Variants in ITGB3 observed in about 807,000 individuals in gnomAD.
ITGB3 encodes the protein integrin subunit beta 3, also known as integrin beta-3.
In ITGB3, 48 loss-of-function variants were observed where a neutral mutation model predicts 85.8. The observed-to-expected ratio is 0.56, with a 90% confidence interval of 0.44 to 0.71. ITGB3 has a LOEUF of 0.71. Among genes scored for constraint, ITGB3 ranks in the 30% least tolerant of loss-of-function variants. The probability of loss-of-function intolerance (pLI) is 0.00; values close to 1 mark genes in which losing one functional copy is unlikely to be tolerated. For synonymous variants in ITGB3, 363 were observed against 395.6 expected (o/e 0.92, Z 0.98); for missense variants, 861 against 1,019.1 (o/e 0.84, Z 2.11).
rs200038305 is a variant in ITGB3 at position 47,308,160 on chromosome 17, A to AAATAATAATAATAATAATAATAATAAT, written c.2301+526_2301+552dup. 1.8e-3 allele frequency among the ~76,000 whole-genome samples: 247 copies of AAATAATAATAATAATAATAATAATAAT among 138,546 alleles called. 2 individuals carry two copies. The highest frequency in any genetic ancestry group is 2.4e-3 in the Admixed American group (33 of 13,890). The allele number at this position is 138,546 out of a possible 152,430, so 90.9% of individuals were successfully genotyped here. ...GTGACAGAGCAGGACTCGGTCTCAA[A>AAATAATAATAATAATAATAATAATAAT]AATAATAATAATAATAATAATAATA... On this transcript the variant is annotated intron_variant, in intron 14 of 14. Transcript: ENST00000559488.
chr17:47,273,827 C>T (rs1225596439), intron 1 of ITGB3, among the ~76,000 whole-genome samples: 3 of 152,220 alleles, frequency 2.0e-5, no homozygotes, highest in East Asian at 1.9e-4. Flanking sequence ...TGCACTTCCT[C>T]CTAGAGCATT....
At position 47,272,681 on chromosome 17, in the gene ITGB3, T is replaced by TTTC. The variant is rs1567761362; in HGVS notation, c.80-1736_80-1735insCTT. The stretch of plus-strand genomic sequence containing the variant: ...TTATGTAATCTTTCTTTCTTTCTTT[T>TTTC]TTTTTCTTTCTTTCTTTCCTTCTTT... On this transcript the variant is annotated intron_variant, in intron 1 of 14. Transcript: ENST00000559488. Among the ~76,000 whole-genome samples the TTTC allele has an allele frequency of 6.9e-3, 644 of 93,490 alleles. 8 individuals are homozygous for TTTC. The highest frequency in any genetic ancestry group is 0.023 in the African/African-American group (568 of 24,184). 61.3% of individuals were successfully genotyped at this position (93,490 alleles called of 152,430 possible).
chr17:47,267,560 G>A (rs957621843), intron 1 of ITGB3, among the ~76,000 whole-genome samples: 2 of 152,118 alleles, frequency 1.3e-5, no homozygotes, highest in Non-Finnish European at 2.9e-5. Context: ...GGGTATCATG[G>A]GGGGTTCATT....
chr17:47,279,193 G>A (rs979549746), intron 2 of ITGB3, among the ~76,000 whole-genome samples: 4 of 152,152 alleles, frequency 2.6e-5, no homozygotes, highest in Non-Finnish European at 5.9e-5. Flanking sequence ...CTCGCAGGGC[G>A]CTGGCTGGAA....
intron 13 of ITGB3, chr17:47,305,543 G>GCT (rs1196203021): frequency 6.6e-6 from 1 of 152,232 alleles, no homozygotes; most frequent in Non-Finnish European, 1.5e-5. Flanking sequence ...GGGAAGCAGA[G>GCT]CTCTGCAGAG....
At chr17:47,268,860 C>T (rs978348854) in intron 1 of ITGB3, among the ~76,000 whole-genome samples, 6 of 152,246 alleles carry the variant, frequency 3.9e-5, no homozygotes, top group Non-Finnish European at 7.3e-5. Context: ...TTCCCTTGTG[C>T]ACTCCCCTAG....
In ITGB3 at chr17:47,274,520, C is replaced by A. The variant is rs1013159150; in HGVS notation, c.165+16C>A. The stretch of plus-strand genomic sequence containing the variant: ...CTCTGATGAGGTAAGGAGCAGATAC[C>A]AGACCTTGTTTCTTCTCCAGACTAA... On this transcript the variant is annotated intron_variant, in intron 2 of 14. Transcript: ENST00000559488. 6.2e-7 allele frequency: 1 copy of A among 1,609,372 alleles called. No homozygotes were observed.
At chr17:47,290,163 A>G (rs752817339) in intron 7 of ITGB3, 22 bp from the exon 8 acceptor site, 6 of 1,591,856 alleles carry the variant, frequency 3.8e-6, no homozygotes, top group Admixed American at 3.3e-5. Flanking sequence ...TAAGCTCTGG[A>G]CATCTTTGTT....
rs560812344 is a variant in ITGB3 at position 47,292,449 on chromosome 17, G to A, written c.1571G>A (p.Arg524Gln). The A allele has an allele frequency of 4.4e-5, 71 of 1,609,250 alleles. 1 individual carries two copies. In the South Asian group the frequency reaches 6.7e-4, roughly 15 times the overall value. The change falls in exon 10 of 15, where the codon CGG becomes CAG. Residue 524 changes from arginine to glutamine, a missense_variant. Arg to Gln is a conservative substitution (Grantham distance 43). Transcript: ENST00000559488. The stretch of plus-strand genomic sequence containing the variant: ...GAGGGTCAGCCCGTCTGCAGCCAGC[G>A]GGGCGAGTGCCTCTGTGGTCAATGT... Reference protein sequence around the residue: ...PREGQPVCSQRGECLCGQCVC... With the variant: ...PREGQPVCSQQGECLCGQCVC...
rs1231109822 is a variant in ITGB3, at chr17:47,290,985, G to A, written c.1157G>A (p.Arg386His). The A allele has an allele frequency of 3.7e-6, 6 of 1,613,896 alleles. No homozygotes were observed. Among genetic ancestry groups the A allele is most frequent in the Non-Finnish European group, 5.1e-6 (6 of 1,179,952 alleles). Residue 386 changes from arginine to histidine, a missense_variant, in exon 9 of 15, where the codon CGT becomes CAT. Arg to His is a conservative substitution (Grantham distance 29, BLOSUM62 0). Coordinates refer to ENST00000559488, the MANE Select transcript of ITGB3 (RefSeq NM_000212.3). ...CGTTCTAAAGTAGAGCTGGAAGTGCGTGACCTCCCTGAAGAGTTGTCTCTA... is the reference window on the plus strand; with the variant it reads ...CGTTCTAAAGTAGAGCTGGAAGTGCATGACCTCCCTGAAGAGTTGTCTCTA... ...KIRSKVELEV[R>H]DLPEELSLSF...
Position 47,299,948 on chromosome 17 carries a change from T to C in ITGB3, c.1913+418T>C, listed in dbSNP as rs1012233387. On this transcript the variant is annotated intron_variant, in intron 11 of 14. Transcript: ENST00000559488. The surrounding 1 kb of genome is among the most constrained non-coding windows in gnomAD (Gnocchi z 5.1). ...AGGAAGCCCCATCAGCCTGAGTCCATGGCACTGCCATTCTGCTTACCACTT... is the reference window on the plus strand; with the variant it reads ...AGGAAGCCCCATCAGCCTGAGTCCACGGCACTGCCATTCTGCTTACCACTT... Among the ~76,000 whole-genome samples, 12 of 152,296 alleles carry C rather than the reference T, an allele frequency of 7.9e-5. No individual in the cohort carries two copies. The highest frequency in any genetic ancestry group is 2.9e-4 in the African/African-American group (12 of 41,566).
intron 1 of ITGB3, among the ~76,000 whole-genome samples, chr17:47,274,020 A>C (rs1426166566): frequency 1.3e-5 from 2 of 152,188 alleles, no homozygotes; most frequent in Non-Finnish European, 2.9e-5. Flanking sequence ...AGTGGCTGTG[A>C]ATATCACTAG....
In ITGB3 at chr17:47,310,450, GC is replaced by G. The variant is rs1363638316; in HGVS notation, c.*247del. On this transcript the variant is annotated 3_prime_UTR_variant, in exon 15 of 15. Transcript: ENST00000559488. ...ATTGTGATGTGTCCTGATAAGCTGA[GC>G]TCCTTAGCCTTTGTCCCAGAATGCC... 5.1e-6 allele frequency: 3 copies of G among 588,866 alleles called. No homozygotes were observed. The highest frequency in any genetic ancestry group is 3.1e-6 in the Non-Finnish European group (1 of 318,824). 36.5% of individuals were successfully genotyped at this position (588,866 alleles called of 1,614,324 possible).
At position 47,257,837 on chromosome 17, in the gene ITGB3, G is replaced by A. The variant is rs537248903; in HGVS notation, c.79+3897G>A. Among the ~76,000 whole-genome samples, 82 of 152,292 alleles carry A rather than the reference G, an allele frequency of 5.4e-4. 1 individual carries two copies. Among genetic ancestry groups the A allele is most frequent in the Middle Eastern group, 3.4e-3 (1 of 294 alleles). On this transcript the variant is annotated intron_variant, in intron 1 of 14. Transcript: ENST00000559488. The stretch of plus-strand genomic sequence containing the variant: ...ACATTCTCCTTTCTCCCCCTTGGAC[G>A]TGTGGGTGTTGGGGCAAGGGTGAGG...
chr17:47,287,546 C>T (rs927185888), intron 6 of ITGB3, among the ~76,000 whole-genome samples: 1 of 152,196 alleles, frequency 6.6e-6, no homozygotes, highest in Non-Finnish European at 1.5e-5. Context: ...TTCCTCTCCA[C>T]TCTGATTAGC....
chr17:47,300,359 G>GTGTGTGTGTC (rs2065162495), intron 11 of ITGB3, 119 bp from the exon 12 acceptor site: 4 of 748,328 alleles, frequency 5.3e-6, no homozygotes, highest in South Asian at 4.3e-5. Context: ...GTGTGTGTGT[G>GTGTGTGTGTC]TGTGTGTGTT....
At chr17:47,275,872 G>A (rs2065061821) in intron 2 of ITGB3, among the ~76,000 whole-genome samples, 1 of 152,194 alleles carries the variant, frequency 6.6e-6, no homozygotes, top group Non-Finnish European at 1.5e-5. Context: ...GCATGGATGA[G>A]ACCTTCTCCC....
chr17:47,280,123 C>T (rs2292867), intron 2 of ITGB3: 21,045 of 152,210 alleles, frequency 0.14, 1,847 homozygotes, highest in East Asian at 0.47. Flanking sequence ...TGATTTCCAT[C>T]GCCGAGGCTG....
chr17:47,285,430 A>G (rs1175005307), intron 4 of ITGB3, among the ~76,000 whole-genome samples: 1 of 152,130 alleles, frequency 6.6e-6, no homozygotes, highest in Non-Finnish European at 1.5e-5. Context: ...TAGGCAACAT[A>G]GTGAGACCCC....
Sources: gnomAD v4.1 joint callset for allele counts (sites outside exome capture counted in the v4.1 genomes callset) on GRCh38, gnomAD v4.1.1 for gene constraint, Gnocchi (gnomAD v3.1) non-coding constraint, MANE v1.5 for transcripts, NCBI Gene and HGNC (gene_info 2026-07-23, HGNC 2026-07-21) for gene names.